The following ACOD1 variants were observed in gnomAD, a reference collection of about 807,000 sequenced individuals.
The protein encoded by ACOD1 is cis-aconitate decarboxylase.
ACOD1 carries 14 observed loss-of-function variants against 14.2 expected under a neutral mutation model. That is an observed-to-expected ratio of 0.99 (90% confidence interval 0.65 to 1.54). The LOEUF (loss-of-function observed/expected upper bound fraction) is 1.54. Among genes scored for constraint, ACOD1 ranks in the 40% most tolerant of loss-of-function variants. The pLI is 0.00. For missense variants in ACOD1, 530 were observed against 586.3 expected, an observed-to-expected ratio of 0.90 and a Z score of 0.99; for synonymous variants, 182 against 221.7, an observed-to-expected ratio of 0.82 and a Z score of 1.59.
intron 3 of ACOD1, among the ~76,000 whole-genome samples, chr13:76,954,109 T>C (rs1367612323): frequency 6.6e-6 from 1 of 152,246 alleles, no homozygotes; most frequent in Non-Finnish European, 1.5e-5. Flanking sequence ...AAAGGAACAA[T>C]GGCCTTATAG....
Position 76,952,567 on chromosome 13 carries a change from A to C in ACOD1, c.91A>C (p.Lys31Gln), listed in dbSNP as rs2033832642. The change falls in exon 2 of 5, where the codon AAG (lysine) becomes CAG (glutamine). Residue 31 changes from lysine to glutamine, a missense_variant. Physicochemically the swap from Lys to Gln is moderately conservative, Grantham distance 53. Transcript: ENST00000377462. Reference protein sequence around the residue: ...HLTDRVIQRSKRMILDTLGAG... With the variant: ...HLTDRVIQRSQRMILDTLGAG... ...GACAGATCGTGTTATTCAGAGGAGC[A>C]AGAGGATGATTCTAGACACTCTGGG... 1 of 1,550,314 alleles carries C rather than the reference A, an allele frequency of 6.5e-7. No homozygotes were observed. Among genetic ancestry groups the C allele is most frequent in the African/African-American group, 1.4e-5 (1 of 73,032 alleles).
At chr13:76,956,678 A>G (rs1222090680) in intron 4 of ACOD1, among the ~76,000 whole-genome samples, 2 of 151,886 alleles carry the variant, frequency 1.3e-5, no homozygotes. Context: ...ACATCCGGCA[A>G]ATTTTTGTAT....
In ACOD1 at chr13:76,958,065, T is replaced by A. The variant is rs1172366122; in HGVS notation, c.*80T>A. 2 of 1,329,584 alleles carry A rather than the reference T, an allele frequency of 1.5e-6. No homozygotes were observed. The highest frequency in any genetic ancestry group is 2.0e-6 in the Non-Finnish European group (2 of 1,004,262). The allele number at this position is 1,329,584 out of a possible 1,614,324, so 82.4% of individuals were successfully genotyped here. A position where few individuals can be genotyped will look rare whatever the true frequency, so the allele number is the denominator to read the frequency against. On this transcript the variant is annotated 3_prime_UTR_variant, in exon 5 of 5. Transcript: ENST00000377462. The stretch of plus-strand genomic sequence containing the variant: ...GTAAAGCAAGGGTCTGCTGCTTGGT[T>A]TTCCCAGGAAAAATGAACAAAGATG...
chr13:76,955,126 CAAAAAAAAAAAAAAAA>C (rs34230053), intron 3 of ACOD1, among the ~76,000 whole-genome samples, 177 bp from the exon 4 acceptor site: 2 of 98,870 alleles, frequency 2.0e-5, no homozygotes, highest in East Asian at 3.4e-4. Context: ...GACTCTGTCT[CAAAAAAAAAAAAAAAA>C]AAAAAAAAAA....
At chr13:76,949,931 C>T (rs961921010) in intron 1 of ACOD1, among the ~76,000 whole-genome samples, 1 of 152,168 alleles carries the variant, frequency 6.6e-6, no homozygotes, top group African/African-American at 2.4e-5. Context: ...GTGCCACCAT[C>T]CTTTCTCTCT....
At chr13:76,951,551 G>A (rs2033821301) in intron 1 of ACOD1, among the ~76,000 whole-genome samples, 1 of 152,178 alleles carries the variant, frequency 6.6e-6, no homozygotes, top group South Asian at 2.1e-4. Context: ...ATAGAACATT[G>A]ATTCAGCATG....
intron 4 of ACOD1, among the ~76,000 whole-genome samples, chr13:76,956,718 G>A (rs1256270671): frequency 3.3e-5 from 5 of 151,816 alleles, no homozygotes; most frequent in African/African-American, 4.8e-5. Context: ...TTGCCATGTT[G>A]GCCAACCTAG....
Position 76,956,971 on chromosome 13 carries a change from C to T in ACOD1, c.471-39C>T, listed in dbSNP as rs534131736. 1.4e-5 allele frequency: 21 copies of T among 1,511,356 alleles called. 1 individual carries two copies. Among genetic ancestry groups the T allele is most frequent in the South Asian group, 5.2e-5 (4 of 76,254 alleles). 93.6% of individuals were successfully genotyped at this position (1,511,356 alleles called of 1,614,324 possible). ...ACGCTATCCTGCCTCCTGGTGGTTACGGTTTGTACATCTCCAACTCTGCTT... is the reference window on the plus strand; with the variant it reads ...ACGCTATCCTGCCTCCTGGTGGTTATGGTTTGTACATCTCCAACTCTGCTT... On this transcript the variant is annotated intron_variant, in intron 4 of 4. Transcript: ENST00000377462.
rs60501937 is a variant in ACOD1 at position 76,950,646 on chromosome 13, T to G, written c.13-1843T>G. On this transcript the variant is annotated intron_variant, in intron 1 of 4. Coordinates refer to ENST00000377462, the MANE Select transcript of ACOD1 (RefSeq NM_001258406.2). ...TGCTCCTCTTCCTGTGTTCTCTCTCTTGGCCAATGGCACTGCCATTTCCCC... is the reference window on the plus strand; with the variant it reads ...TGCTCCTCTTCCTGTGTTCTCTCTCGTGGCCAATGGCACTGCCATTTCCCC... Among the ~76,000 whole-genome samples the G allele has an allele frequency of 6.2e-3, 944 of 152,312 alleles. 13 individuals carry two copies. Among genetic ancestry groups the G allele is most frequent in the African/African-American group, 0.021 (876 of 41,568 alleles).
At chr13:76,952,796 G>C (rs2137746165) in intron 2 of ACOD1, 146 bp downstream of exon 2, 1 of 683,138 alleles carries the variant, frequency 1.5e-6, no homozygotes, top group Non-Finnish European at 2.4e-6. Context: ...TCCATTATCT[G>C]AGTTTTAATA....
At chr13:76,953,149 A>G (rs1025974394) in intron 2 of ACOD1, among the ~76,000 whole-genome samples, 19 of 152,184 alleles carry the variant, frequency 1.2e-4, no homozygotes, top group Non-Finnish European at 2.8e-4. Flanking sequence ...TTAAAAACAA[A>G]CAAACAAATA....
chr13:76,955,196 T>A (rs1593891186), intron 3 of ACOD1, 123 bp from the exon 4 acceptor site: 1 of 552,614 alleles, frequency 1.8e-6, no homozygotes, highest in Non-Finnish European at 3.0e-6. Context: ...TTTCTGAGAA[T>A]CAGATCAAAA....
intron 4 of ACOD1, 33 bp downstream of exon 4, chr13:76,955,557 T>G (rs1410449138): frequency 6.6e-7 from 1 of 1,517,518 alleles, no homozygotes; most frequent in Non-Finnish European, 8.9e-7. Context: ...CAAAAGGTAG[T>G]CACATCCCCT....
rs2033899573 is a variant in ACOD1, at chr13:76,958,124, G to T, written c.*139G>T. 1 of 820,638 alleles carries T rather than the reference G, an allele frequency of 1.2e-6. No individual in the cohort carries two copies. The highest frequency in any genetic ancestry group is 1.8e-6 in the Non-Finnish European group (1 of 559,662). The allele number at this position is 820,638 out of a possible 1,614,324, so 50.8% of individuals were successfully genotyped here. A position where few individuals can be genotyped will look rare whatever the true frequency, so the allele number is the denominator to read the frequency against. ...CCAGAAACAGAACTACATATATCTGGAAGGAGCCTTCTCCTGAAAATTTTG... is the reference window on the plus strand; with the variant it reads ...CCAGAAACAGAACTACATATATCTGTAAGGAGCCTTCTCCTGAAAATTTTG... On this transcript the variant is annotated 3_prime_UTR_variant, in exon 5 of 5. Coordinates refer to ENST00000377462, the MANE Select transcript of ACOD1 (RefSeq NM_001258406.2).
chr13:76,957,475 G>A lies in ACOD1; in HGVS notation c.936G>A (p.Arg312=). 3.2e-6 allele frequency: 5 copies of A among 1,550,592 alleles called. No homozygotes were observed. Among genetic ancestry groups the A allele is most frequent in the Non-Finnish European group, 4.4e-6 (5 of 1,146,996 alleles). The change falls in exon 5 of 5, where the codon AGG becomes AGA. Residue 312 remains arginine, a synonymous_variant. Coordinates refer to ENST00000377462, the MANE Select transcript of ACOD1 (RefSeq NM_001258406.2). ...PTDYIKRIVL[R]IPNVQYVNRP... ...ACTACATTAAGAGAATTGTGCTCAG[G>A]ATACCAAATGTCCAGTATGTAAACA...
At chr13:76,950,793 C>T (rs2033814275) in intron 1 of ACOD1, among the ~76,000 whole-genome samples, 1 of 152,230 alleles carries the variant, frequency 6.6e-6, no homozygotes, top group African/African-American at 2.4e-5. Flanking sequence ...CATAACTCTA[C>T]TTTTCTTAAG....
chr13:76,950,105 C>T (rs1292680939), intron 1 of ACOD1, among the ~76,000 whole-genome samples: 12 of 152,140 alleles, frequency 7.9e-5, no homozygotes, highest in Admixed American at 7.9e-4. Context: ...AGTCAGTGTC[C>T]AGGTTGAAGG....
rs1227356025 is a variant in ACOD1, at chr13:76,952,530, A to G, written c.54A>G (p.Lys18=). Residue 18 remains lysine (K), a synonymous_variant, in exon 2 of 5, where the codon AAA becomes AAG. Coordinates refer to ENST00000377462, the MANE Select transcript of ACOD1 (RefSeq NM_001258406.2). ...ESFATAIHGL[K]VGHLTDRVIQ... ...TTGCCACAGCAATCCATGGCTTGAA[A>G]GTGGGACACCTGACAGATCGTGTTA... The G allele has an allele frequency of 1.9e-6, 3 of 1,550,380 alleles. No homozygotes were observed. Among genetic ancestry groups the G allele is most frequent in the Non-Finnish European group, 8.7e-7 (1 of 1,146,984 alleles).
At chr13:76,955,274 G>A (rs2033863219) in intron 3 of ACOD1, 45 bp from the exon 4 acceptor site, 3 of 1,494,882 alleles carry the variant, frequency 2.0e-6, no homozygotes, top group Non-Finnish European at 2.7e-6. Context: ...TTGCATTAAG[G>A]GAAAATTTAA....
Sources: gnomAD v4.1 joint callset for allele counts (sites outside exome capture counted in the v4.1 genomes callset) on GRCh38, gnomAD v4.1.1 for gene constraint, MANE v1.5 for transcripts, NCBI Gene and HGNC (gene_info 2026-07-23, HGNC 2026-07-21) for gene names.